The following PTPN3 variants were observed in gnomAD, a reference collection of about 807,000 sequenced individuals.
PTPN3 encodes the protein protein tyrosine phosphatase non-receptor type 3, also known as tyrosine-protein phosphatase non-receptor type 3.
PTPN3 carries 96 observed loss-of-function variants against 132.7 expected under a neutral mutation model. The observed-to-expected ratio is 0.72, with a 90% CI of 0.61 to 0.86. PTPN3 has a LOEUF of 0.86. PTPN3 is among the 40% of genes least tolerant of loss of function. PTPN3 has a pLI of 0.00. For synonymous variants in PTPN3, 398 were observed against 429.0 expected, an observed-to-expected ratio of 0.93 and a Z score of 0.89; for missense variants, 1,125 against 1,159.6, an observed-to-expected ratio of 0.97 and a Z score of 0.43.
At chr9:109,390,539 A>G (rs1313607759) in intron 21 of PTPN3, among the ~76,000 whole-genome samples, 1 of 152,186 alleles carries the variant, frequency 6.6e-6, no homozygotes, top group African/African-American at 2.4e-5. Flanking sequence ...AGCATGGCAC[A>G]TGTATACATA....
At chr9:109,384,003 TC>T (rs1839351943) in intron 22 of PTPN3, among the ~76,000 whole-genome samples, 1 of 151,456 alleles carries the variant, frequency 6.6e-6, no homozygotes, top group South Asian at 2.1e-4. Flanking sequence ...AGGGCACACA[TC>T]TGGTGTCATA....
At chr9:109,387,377 G>T (rs1316160698) in intron 22 of PTPN3, among the ~76,000 whole-genome samples, 1 of 152,212 alleles carries the variant, frequency 6.6e-6, no homozygotes, top group Non-Finnish European at 1.5e-5. Flanking sequence ...GAGCAAGGGG[G>T]ATTATAGAGC....
At position 109,445,268 on chromosome 9, in the gene PTPN3, T is replaced by C. The variant is rs369609766; in HGVS notation, c.438A>G (p.Ala146=). The change falls in exon 7 of 26, where the codon GCA becomes GCG. Residue 146 remains alanine (A), a synonymous_variant. Coordinates refer to ENST00000374541, the MANE Select transcript of PTPN3 (RefSeq NM_002829.4). ...GTACGGCATAGGACGCTAGAACCAC[T>C]GCTGAGTTAAGAGGGCAGGTTAACC... ...EGRLTCPLNS[A]VVLASYAVQS... 11 of 1,613,902 alleles carry C rather than the reference T, an allele frequency of 6.8e-6. No individual in the cohort carries two copies. The highest frequency in any genetic ancestry group is 5.0e-5 in the Admixed American group (3 of 60,022).
At chr9:109,438,067 A>G in intron 8 of PTPN3, 47 bp downstream of exon 8, 1 of 1,570,552 alleles carries the variant, frequency 6.4e-7, no homozygotes, top group South Asian at 1.2e-5. Flanking sequence ...GATGTCTGAA[A>G]ATACCCAACC....
At chr9:109,444,510 C>T (rs1462455730) in intron 7 of PTPN3, among the ~76,000 whole-genome samples, 1 of 152,038 alleles carries the variant, frequency 6.6e-6, no homozygotes, top group Non-Finnish European at 1.5e-5. Context: ...AGTGTAAAAT[C>T]CAGACTGATT....
intron 1 of PTPN3, among the ~76,000 whole-genome samples, chr9:109,466,039 A>C (rs1044858381): frequency 2.0e-5 from 3 of 152,126 alleles, no homozygotes; most frequent in African/African-American, 4.8e-5. Flanking sequence ...TGTGTGACAG[A>C]GTTCACTCAC....
Position 109,428,676 on chromosome 9 carries a change from A to C in PTPN3, c.773T>G (p.Ile258Ser), listed in dbSNP as rs747020559. The C allele has an allele frequency of 1.4e-5, 22 of 1,613,310 alleles. No individual in the cohort carries two copies. Among genetic ancestry groups the C allele is most frequent in the Non-Finnish European group, 1.9e-5 (22 of 1,179,748 alleles). ...TTTCCTTTTGAAAGAAATTTTGAGA[A>C]TGTTCACCCTTCAAAAAATAAAACA... ...ICTSFYPWVN[I>S]LKISFKRKKF... The change falls in exon 11 of 26, where the codon ATT (isoleucine) becomes AGT (serine). Residue 258 changes from isoleucine (I) to serine (S), a missense_variant. By Grantham distance (142) the Ile-to-Ser change is moderately radical. Transcript: ENST00000374541.
chr9:109,466,703 G>A (rs889082268), intron 1 of PTPN3, among the ~76,000 whole-genome samples: 19 of 152,210 alleles, frequency 1.2e-4, no homozygotes, highest in Admixed American at 3.3e-4. Context: ...GCAGACGCAA[G>A]TCACGGGTAA....
chr9:109,416,400 C>T (rs1260039737), intron 14 of PTPN3, among the ~76,000 whole-genome samples: 1 of 151,994 alleles, frequency 6.6e-6, no homozygotes, highest in African/African-American at 2.4e-5. Context: ...AAGGGGATCC[C>T]CCAGGTTCCT....
chr9:109,516,668 G>A, the PTPN3 span, among the ~76,000 whole-genome samples: 50 of 152,230 alleles, frequency 3.3e-4, 1 homozygote, highest in African/African-American at 1.1e-3. Flanking sequence ...TGTAAGAAGG[G>A]GAGTAACACA....
intron 1 of PTPN3, among the ~76,000 whole-genome samples, chr9:109,492,181 C>T (rs981568467): frequency 2.0e-5 from 3 of 152,164 alleles, no homozygotes; most frequent in Admixed American, 6.5e-5. Flanking sequence ...TGGTGGCTGG[C>T]GGTCAAAAAA....
At chr9:109,494,321 T>A (rs1847587272) in intron 1 of PTPN3, among the ~76,000 whole-genome samples, 1 of 152,122 alleles carries the variant, frequency 6.6e-6, no homozygotes, top group Non-Finnish European at 1.5e-5. Flanking sequence ...AAATAAAAAA[T>A]TAGCTGGGTG....
chr9:109,405,925 G>A (rs1239553210), intron 18 of PTPN3, among the ~76,000 whole-genome samples: 6 of 152,084 alleles, frequency 3.9e-5, no homozygotes, highest in Non-Finnish European at 8.8e-5. Flanking sequence ...CTGTGAAGTC[G>A]GGACCACTGC....
intron 17 of PTPN3, 135 bp from the exon 18 acceptor site, chr9:109,406,753 T>C: frequency 9.4e-7 from 1 of 1,063,528 alleles, no homozygotes; most frequent in Non-Finnish European, 1.4e-6. Context: ...AGTACTGTCA[T>C]TATTTGTATA....
chr9:109,458,949 CAA>C (rs1280423181), intron 2 of PTPN3, among the ~76,000 whole-genome samples: 4 of 152,174 alleles, frequency 2.6e-5, no homozygotes, highest in African/African-American at 9.7e-5. Context: ...AGCAACTTTG[CAA>C]AGTGTAGTAG....
intron 14 of PTPN3, among the ~76,000 whole-genome samples, chr9:109,416,377 G>A (rs1354167800): frequency 2.6e-5 from 4 of 152,084 alleles, no homozygotes; most frequent in Non-Finnish European, 4.4e-5. Flanking sequence ...CTACACTGCC[G>A]CCAAAGCTGA....
intron 1 of PTPN3, among the ~76,000 whole-genome samples, chr9:109,485,452 G>A (rs550789934): frequency 6.6e-6 from 1 of 152,304 alleles, no homozygotes; most frequent in Non-Finnish European, 1.5e-5. Context: ...AGCTTGCAGT[G>A]AGCCGAGATT....
upstream of PTPN3, among the ~76,000 whole-genome samples, chr9:109,503,086 C>T (rs1847879811): frequency 6.6e-6 from 1 of 151,920 alleles, no homozygotes; most frequent in Non-Finnish European, 1.5e-5. Flanking sequence ...GAAACAAATT[C>T]AAAAGTTGGC....
intron 1 of PTPN3, among the ~76,000 whole-genome samples, chr9:109,464,889 T>C (rs1191279344): frequency 6.6e-6 from 1 of 152,198 alleles, no homozygotes; most frequent in Non-Finnish European, 1.5e-5. Context: ...TCAATGCTGA[T>C]AGAAGAAAGG....
Sources: gnomAD v4.1 joint callset for allele counts (sites outside exome capture counted in the v4.1 genomes callset) on GRCh38, gnomAD v4.1.1 for gene constraint, MANE v1.5 for transcripts, NCBI Gene and HGNC (gene_info 2026-07-23, HGNC 2026-07-21) for gene names.